COL28A1: variants seen among roughly 807,000 people sequenced by gnomAD.
COL28A1 encodes the protein collagen alpha-1(XXVIII) chain.
COL28A1 carries 161 observed loss-of-function variants against 150.2 expected under a neutral mutation model. The observed-to-expected ratio is 1.07, with a 90% CI of 0.94 to 1.22. The LOEUF is 1.22. Among genes scored for constraint, COL28A1 ranks in the 50% most tolerant of loss-of-function variants. The pLI, the probability that COL28A1 is intolerant of heterozygous loss-of-function variation, is 0.00. For missense variants in COL28A1, 1,617 were observed against 1,388.3 expected (o/e 1.16, Z -2.62); for synonymous variants, 552 against 469.7 (o/e 1.18, Z -2.26).
At chr7:7,431,752 G>T in intron 25 of COL28A1, 1 of 362,058 alleles carries the variant, frequency 2.8e-6, no homozygotes, top group Non-Finnish European at 5.9e-6. Context: ...GACAGAGGTG[G>T]AACAGAGGGA....
At chr7:7,429,819 G>A (rs940649227) in intron 25 of COL28A1, among the ~76,000 whole-genome samples, 1 of 152,050 alleles carries the variant, frequency 6.6e-6, no homozygotes, top group African/African-American at 2.4e-5. Context: ...TTCTCCCCCG[G>A]GCTCTGCCTG....
chr7:7,538,810 G>C (rs1051834346), upstream of COL28A1, among the ~76,000 whole-genome samples: 8 of 151,550 alleles, frequency 5.3e-5, no homozygotes, highest in Non-Finnish European at 1.0e-4. Context: ...AGTTTCACAA[G>C]CTTCTCCCTA....
intron 15 of COL28A1, among the ~76,000 whole-genome samples, chr7:7,464,264 C>T (rs1028201412): frequency 1.3e-5 from 2 of 152,074 alleles, no homozygotes; most frequent in Non-Finnish European, 2.9e-5. Context: ...CGAGACAGAA[C>T]GTCAACAAAG....
chr7:7,458,948 C>A (rs1787384649), intron 15 of COL28A1, among the ~76,000 whole-genome samples: 1 of 152,150 alleles, frequency 6.6e-6, no homozygotes, highest in Non-Finnish European at 1.5e-5. Context: ...TTGTTTTGTA[C>A]CATTTACATA....
At chr7:7,472,851 A>T (rs1788548801) in intron 15 of COL28A1, among the ~76,000 whole-genome samples, 1 of 152,220 alleles carries the variant, frequency 6.6e-6, no homozygotes, top group African/African-American at 2.4e-5. Context: ...CAGAATAAAG[A>T]ACCCAGAAAT....
At chr7:7,459,163 T>C (rs1240725573) in intron 15 of COL28A1, among the ~76,000 whole-genome samples, 1 of 152,190 alleles carries the variant, frequency 6.6e-6, no homozygotes, top group Non-Finnish European at 1.5e-5. Context: ...CCTCCAAATG[T>C]AAAAATAACA....
chr7:7,377,446 TG>T (rs1248946224), intron 30 of COL28A1, among the ~76,000 whole-genome samples: 1 of 152,072 alleles, frequency 6.6e-6, no homozygotes, highest in African/African-American at 2.4e-5. Flanking sequence ...CTCGATCTGC[TG>T]GGAATTCCTG....
intron 11 of COL28A1, among the ~76,000 whole-genome samples, chr7:7,493,620 T>C (rs768067843): frequency 6.6e-6 from 1 of 152,078 alleles, no homozygotes; most frequent in Non-Finnish European, 1.5e-5. Context: ...CAAGGTAGGA[T>C]CCACAAAACA....
At chr7:7,505,867 A>C in intron 11 of COL28A1, 147 bp downstream of exon 11, 1 of 611,194 alleles carries the variant, frequency 1.6e-6, no homozygotes, top group Admixed American at 2.9e-5. Context: ...TTAGGACTTA[A>C]TTCTCTGTAT....
chr7:7,535,441 C>T (rs892075846), intron 1 of COL28A1, among the ~76,000 whole-genome samples: 1 of 152,066 alleles, frequency 6.6e-6, no homozygotes, highest in African/African-American at 2.4e-5. Context: ...TATTCTATAA[C>T]TAATTCTGAA....
chr7:7,417,529 GGAGGGAGGGA>G (rs1389861416), intron 27 of COL28A1: 4,605 of 121,218 alleles, frequency 0.038, 46 homozygotes, highest in Middle Eastern at 0.058. Flanking sequence ...GAGGGGGGAG[GGAGGGAGGGA>G]GGGGGGGGGG....
upstream of COL28A1, among the ~76,000 whole-genome samples, chr7:7,538,281 A>G (rs1201190725): frequency 6.6e-6 from 1 of 152,220 alleles, no homozygotes; most frequent in Non-Finnish European, 1.5e-5. Context: ...AGAACAAATA[A>G]GAGAGCATGG....
the COL28A1 span, among the ~76,000 whole-genome samples, chr7:7,349,782 T>C: frequency 6.6e-6 from 1 of 152,010 alleles, no homozygotes; most frequent in South Asian, 2.1e-4. Context: ...GTTTCAGGCA[T>C]GAGAGAGAAT....
intron 27 of COL28A1, among the ~76,000 whole-genome samples, 174 bp from the exon 28 acceptor site, chr7:7,381,786 G>T (rs1374937649): frequency 1.3e-5 from 2 of 152,032 alleles, no homozygotes; most frequent in Non-Finnish European, 2.9e-5. Context: ...TATGTGTATG[G>T]CTCAATGGTT....
At chr7:7,353,555 G>A (rs551428385), downstream of COL28A1, among the ~76,000 whole-genome samples, 14 of 152,090 alleles carry the variant, frequency 9.2e-5, no homozygotes, top group Non-Finnish European at 1.6e-4. Context: ...AATAAACCTC[G>A]ATCATTGAGA....
At chr7:7,347,954 T>C in the COL28A1 span, among the ~76,000 whole-genome samples, 20,701 of 152,018 alleles carry the variant, frequency 0.14, 1,744 homozygotes, top group African/African-American at 0.23. Flanking sequence ...TAATCTGATA[T>C]GTATCTTAGG....
In COL28A1 at chr7:7,405,226, C is replaced by T. The variant is rs1783429748; in HGVS notation, c.2136+12633G>A. 2.0e-5 allele frequency among the ~76,000 whole-genome samples: 3 copies of T among 152,138 alleles called. No homozygotes were observed. The South Asian group carries it at 6.2e-4, about 32-fold the overall frequency. ...CAAAAGCAGATTCTATTTTGAAGGA[C>T]ATATTAGCATTATTCATCTCACAAC... On this transcript the variant is annotated intron_variant, in intron 27 of 34. Transcript: ENST00000399429.
In COL28A1 at chr7:7,506,015, T is replaced by A. The variant is rs1562859080; in HGVS notation, c.1025A>T (p.Lys342Met). 6.0e-6 allele frequency: 8 copies of A among 1,342,100 alleles called. No individual in the cohort carries two copies. The highest frequency in any genetic ancestry group is 7.5e-6 in the Non-Finnish European group (7 of 931,518). The allele number at this position is 1,342,100 out of a possible 1,614,324, so 83.1% of individuals were successfully genotyped here. The change falls in exon 11 of 35, where the codon AAG (lysine) becomes ATG (methionine). Residue 342 changes from lysine to methionine, a missense_variant and splice_region_variant. By Grantham distance (95) the Lys-to-Met change is moderately conservative. Transcript: ENST00000399429. ...DPGPKGFQGN[K>M]GEPGPPGPYG... ...TCTTTAATCAAAGGGTAAGATTACC[T>A]TATTGCCTTGAAACCCCTTTGGGCC...
chr7:7,473,902 T>G (rs1435496977), intron 15 of COL28A1, among the ~76,000 whole-genome samples: 1 of 150,528 alleles, frequency 6.6e-6, no homozygotes, highest in African/African-American at 2.4e-5. Context: ...TTTACATATA[T>G]AGTGTGTGTG....
Sources: gnomAD v4.1 joint callset for allele counts (sites outside exome capture counted in the v4.1 genomes callset) on GRCh38, gnomAD v4.1.1 for gene constraint, MANE v1.5 for transcripts, NCBI Gene and HGNC (gene_info 2026-07-23, HGNC 2026-07-21) for gene names.